The following CSMD3 variants were observed in gnomAD, a reference collection of about 807,000 sequenced individuals.
CSMD3 encodes the protein CUB and Sushi multiple domains 3.
A neutral mutation model predicts 435.2 loss-of-function variants in CSMD3; 177 were observed. The ratio of observed to expected loss-of-function variants is 0.41; its 90% confidence interval spans 0.36 to 0.46. The LOEUF (loss-of-function observed/expected upper bound fraction) is 0.46, where lower values mean the gene tolerates loss of function less well. Among genes scored for constraint, CSMD3 ranks in the 20% least tolerant of loss-of-function variants. CSMD3 has a pLI of 0.34. For missense variants in CSMD3, 4,265 were observed against 4,504.6 expected (o/e 0.95, Z 1.52); for synonymous variants, 1,656 against 1,520.5 (o/e 1.09, Z -2.07).
At chr8:112,375,256 A>G (rs1828833722) in intron 38 of CSMD3, among the ~76,000 whole-genome samples, 1 of 152,156 alleles carries the variant, frequency 6.6e-6, no homozygotes, top group Non-Finnish European at 1.5e-5. Context: ...CCATGTAATA[A>G]AGTTTTCACT....
Position 112,737,988 on chromosome 8 carries a change from G to A in CSMD3, c.1973-47938C>T, listed in dbSNP as rs150807131. Among the ~76,000 whole-genome samples, 58 of 151,940 alleles carry A rather than the reference G, an allele frequency of 3.8e-4. No individual in the cohort carries two copies. The East Asian group carries it at 0.01, about 26-fold the overall frequency. On this transcript the variant is annotated intron_variant, in intron 13 of 70. Coordinates refer to ENST00000297405, the MANE Select transcript of CSMD3 (RefSeq NM_198123.2). ...TAAACTCATTTATTTTTAGAACTGT[G>A]ATTACATTCTGATGATAGTTTGATT...
intron 12 of CSMD3, among the ~76,000 whole-genome samples, chr8:112,810,757 C>T (rs1478050585): frequency 1.3e-5 from 2 of 151,862 alleles, no homozygotes; most frequent in Admixed American, 6.6e-5. Context: ...ATATTACTTA[C>T]GTGATTGATG....
chr8:112,861,573 G>A (rs1220526533), intron 10 of CSMD3, among the ~76,000 whole-genome samples: 1 of 151,782 alleles, frequency 6.6e-6, no homozygotes, highest in Non-Finnish European at 1.5e-5. Flanking sequence ...CTTAAACAAA[G>A]CCAAGGTGAT....
In CSMD3 at chr8:113,247,003, G is replaced by C. The variant is rs79147582; in HGVS notation, c.514+31589C>G. ...CTGGTGGAGGACCAGAAGTAGTAAG[G>C]GTTTGGAGTTTTCTAAGGTATTCTC... On this transcript the variant is annotated intron_variant, in intron 3 of 70. Coordinates refer to ENST00000297405, the MANE Select transcript of CSMD3 (RefSeq NM_198123.2). Among the ~76,000 whole-genome samples the C allele has an allele frequency of 8.3e-3, 1,265 of 152,246 alleles. 18 individuals are homozygous for C. The highest frequency in any genetic ancestry group is 0.029 in the African/African-American group (1,185 of 41,558).
At position 113,028,736 on chromosome 8, in the gene CSMD3, C is replaced by T. The variant is rs542008115; in HGVS notation, c.918-9557G>A. On this transcript the variant is annotated intron_variant, in intron 5 of 70. Transcript: ENST00000297405. ...CTAACTTTATTCAATTCCATGAATA[C>T]TAAGATAAATGAGGAAGCTGTAGAA... is the stretch of plus-strand genomic sequence containing the variant. Among the ~76,000 whole-genome samples, 10 of 151,388 alleles carry T rather than the reference C, an allele frequency of 6.6e-5. No individual in the cohort carries two copies. The East Asian group carries it at 1.2e-3, about 18-fold the overall frequency.
At chr8:112,377,320 A>C (rs1182657943) in intron 38 of CSMD3, among the ~76,000 whole-genome samples, 1 of 152,086 alleles carries the variant, frequency 6.6e-6, no homozygotes, top group Non-Finnish European at 1.5e-5. Flanking sequence ...TAAAATCTAC[A>C]TGGACCCATA....
At chr8:112,658,118 T>A (rs1160806971) in intron 17 of CSMD3, among the ~76,000 whole-genome samples, 1 of 152,204 alleles carries the variant, frequency 6.6e-6, no homozygotes, top group African/African-American at 2.4e-5. Flanking sequence ...TAACCATGTA[T>A]TTTTACTCAT....
In CSMD3 at chr8:112,517,219, A is replaced by G. The variant is rs1285101235; in HGVS notation, c.4571T>C (p.Val1524Ala). ...SGFAIQFSSS[V>A]ATACRDPGVP... ...CCCTGGGTCACGACACGCAGTGGCA[A>G]CAGAACCTATCAAAAGACAGAGACA... Residue 1524 changes from valine to alanine, a missense_variant, in exon 28 of 71, where the codon GTT (valine) becomes GCT (alanine). Val to Ala is a moderately conservative substitution (Grantham distance 64). This residue lies in a region of CSMD3 where 3,255 missense variants were observed against 3,380.2 expected (regional missense o/e 0.96). Coordinates refer to ENST00000297405, the MANE Select transcript of CSMD3 (RefSeq NM_198123.2). 1 of 1,613,272 alleles carries G rather than the reference A, an allele frequency of 6.2e-7. No individual in the cohort carries two copies. The highest frequency in any genetic ancestry group is 8.5e-7 in the Non-Finnish European group (1 of 1,179,528).
At chr8:112,729,968 T>A (rs1210684484) in intron 13 of CSMD3, among the ~76,000 whole-genome samples, 3 of 152,120 alleles carry the variant, frequency 2.0e-5, no homozygotes, top group Non-Finnish European at 4.4e-5. Flanking sequence ...ACTAGTGTAC[T>A]TAGAAACAAA....
At chr8:113,302,300 A>ATAATATAATATAATAT (rs1554603162) in intron 2 of CSMD3, among the ~76,000 whole-genome samples, 3,441 of 135,676 alleles carry the variant, frequency 0.025, 64 homozygotes, top group Non-Finnish European at 0.036. Flanking sequence ...ATATAATATA[A>ATAATATAATATAATAT]TATATATATT....
intron 2 of CSMD3, chr8:113,310,082 T>C (rs2132646017): frequency 6.6e-6 from 1 of 152,316 alleles, no homozygotes; most frequent in South Asian, 2.1e-4. Context: ...AAAGTAGCAA[T>C]GAGGAGACCA....
chr8:113,108,932 A>G (rs977448420), intron 4 of CSMD3, among the ~76,000 whole-genome samples: 44 of 152,344 alleles, frequency 2.9e-4, no homozygotes, highest in African/African-American at 1.1e-3. Context: ...TAAATTGACA[A>G]GCTGATTTTT....
At chr8:113,192,322 T>C (rs2092597735) in intron 3 of CSMD3, among the ~76,000 whole-genome samples, 1 of 151,706 alleles carries the variant, frequency 6.6e-6, no homozygotes, top group Non-Finnish European at 1.5e-5. Context: ...GTTGTTTTTT[T>C]TATATTTGAC....
At chr8:113,200,054 C>T (rs1316973133) in intron 3 of CSMD3, among the ~76,000 whole-genome samples, 1 of 151,890 alleles carries the variant, frequency 6.6e-6, no homozygotes, top group Non-Finnish European at 1.5e-5. Flanking sequence ...ATTTAGATGC[C>T]TCATGGGAAT....
At chr8:112,826,521 C>A (rs2079685732) in intron 12 of CSMD3, among the ~76,000 whole-genome samples, 1 of 152,134 alleles carries the variant, frequency 6.6e-6, no homozygotes, top group South Asian at 2.1e-4. Flanking sequence ...AACATGGTTT[C>A]TCAGGCTGGG....
intron 13 of CSMD3, among the ~76,000 whole-genome samples, chr8:112,789,841 T>C (rs1006656568): frequency 2.6e-5 from 4 of 152,016 alleles, no homozygotes; most frequent in Non-Finnish European, 5.9e-5. Flanking sequence ...ATGCCTTACA[T>C]AATTTTATTT....
chr8:112,709,452 G>C lies in CSMD3; in HGVS notation c.1973-19402C>G, dbSNP rs188384103. Among the ~76,000 whole-genome samples the C allele has an allele frequency of 5.0e-3, 756 of 152,076 alleles. 4 individuals are homozygous for C. The highest frequency in any genetic ancestry group is 0.017 in the African/African-American group (712 of 41,540). On this transcript the variant is annotated intron_variant, in intron 13 of 70. Coordinates refer to ENST00000297405, the MANE Select transcript of CSMD3 (RefSeq NM_198123.2). ...TTGAATAGAGATTACTGGAAGAATA[G>C]AGATGTGATTAACAAACAATCAGAA... is the stretch of plus-strand genomic sequence containing the variant.
chr8:113,406,026 T>G (rs2094531278), intron 1 of CSMD3, among the ~76,000 whole-genome samples: 1 of 151,766 alleles, frequency 6.6e-6, no homozygotes, highest in African/African-American at 2.4e-5. Context: ...ACCTGATAAA[T>G]CATAAGGATA....
At chr8:112,863,401 G>A (rs938967954) in intron 10 of CSMD3, among the ~76,000 whole-genome samples, 29 of 151,586 alleles carry the variant, frequency 1.9e-4, no homozygotes, top group African/African-American at 5.3e-4. Flanking sequence ...TATATTATTC[G>A]TCATGAACTG....
Sources: allele counts gnomAD v4.1 joint callset (sites outside exome capture counted in the v4.1 genomes callset), GRCh38; gene constraint gnomAD v4.1.1; regional missense constraint gnomAD v4.1.1; transcripts MANE v1.5; gene names NCBI Gene and HGNC (gene_info 2026-07-23, HGNC 2026-07-21).